TBCK: variants seen among roughly 807,000 people sequenced by gnomAD.
TBCK encodes TBC domain-containing protein kinase-like protein.
TBCK carries 99 observed loss-of-function variants against 113.4 expected under a neutral mutation model. The observed-to-expected ratio is 0.87, with a 90% CI of 0.74 to 1.03. TBCK has a LOEUF of 1.03. Ranked by LOEUF, TBCK falls within the 50% of genes least tolerant of loss-of-function variation. TBCK has a pLI of 0.00. For missense variants in TBCK, 1,045 were observed against 1,061.3 expected, an observed-to-expected ratio of 0.98 and a Z score of 0.21; for synonymous variants, 369 against 370.8, an observed-to-expected ratio of 1.00 and a Z score of 0.05.
Position 106,214,795 on chromosome 4 carries a change from G to A in TBCK, c.1775-1960C>T, listed in dbSNP as rs1405501430. Among the ~76,000 whole-genome samples, 8 of 151,784 alleles carry A rather than the reference G, an allele frequency of 5.3e-5. No homozygotes were observed. In the East Asian group the frequency reaches 1.2e-3, roughly 22 times the overall value. The stretch of plus-strand genomic sequence containing the variant: ...AACCAAGTTGGAAAACACTCTGCAG[G>A]ATATTATCCAGGAGAATTTCCCCAA... On this transcript the variant is annotated intron_variant, in intron 19 of 25. Transcript: ENST00000394708.
intron 3 of TBCK, among the ~76,000 whole-genome samples, chr4:106,285,474 T>C (rs1560967371): frequency 6.6e-6 from 1 of 152,152 alleles, no homozygotes; most frequent in Non-Finnish European, 1.5e-5. Flanking sequence ...AAATCGGTCA[T>C]GAAAAAAAGT....
At chr4:106,052,679 T>A (rs940625583) in intron 25 of TBCK, among the ~76,000 whole-genome samples, 24 of 151,766 alleles carry the variant, frequency 1.6e-4, no homozygotes, top group Admixed American at 1.5e-3. Flanking sequence ...TTTTCATGTT[T>A]TAATTTCCCA....
At position 106,251,995 on chromosome 4, in the gene TBCK, G is replaced by A. The variant is rs749416609; in HGVS notation, c.468C>T (p.Tyr156=). The change falls in exon 6 of 26, where the codon TAC becomes TAT. Residue 156 remains tyrosine, a synonymous_variant. Coordinates refer to ENST00000394708, the MANE Select transcript of TBCK (RefSeq NM_001163435.3). The part of the protein sequence containing the change: ...DVDFPIGYPS[Y]LAPEVIAQGI... Reference sequence around the variant, plus strand: ...CCTGTGCAATTACCTCAGGGGCCAAGTACGAGGGATACCTGTAATGATACA... The same window carrying A: ...CCTGTGCAATTACCTCAGGGGCCAAATACGAGGGATACCTGTAATGATACA... The A allele has an allele frequency of 1.9e-6, 3 of 1,606,666 alleles. No individual in the cohort carries two copies. In the African/African-American group the frequency reaches 4.0e-5, roughly 22 times the overall value.
chr4:106,256,220 G>A lies in TBCK; in HGVS notation c.456-4213C>T, dbSNP rs557346106. On this transcript the variant is annotated intron_variant, in intron 5 of 25. Coordinates refer to ENST00000394708, the MANE Select transcript of TBCK (RefSeq NM_001163435.3). ...ATCTCCCATGCTTCAGGCCCTCCTG[G>A]GCTTGAAGGCAGGGCTTCACCAGGG... Among the ~76,000 whole-genome samples, 36 of 152,242 alleles carry A rather than the reference G, an allele frequency of 2.4e-4. No homozygotes were observed. The South Asian group carries it at 7.3e-3, about 31-fold the overall frequency.
chr4:106,101,861 TAAAGA>T (rs1741595690), intron 24 of TBCK, among the ~76,000 whole-genome samples: 1 of 152,180 alleles, frequency 6.6e-6, no homozygotes, highest in Non-Finnish European at 1.5e-5. Flanking sequence ...TTACAACTAT[TAAAGA>T]AAACAAGAGT....
chr4:106,200,939 C>T (rs1754813050), intron 20 of TBCK, among the ~76,000 whole-genome samples: 1 of 151,846 alleles, frequency 6.6e-6, no homozygotes. Flanking sequence ...ATGAGTTAGT[C>T]CTTCCTTGCT....
At chr4:106,159,005 T>C (rs1275869492) in intron 23 of TBCK, among the ~76,000 whole-genome samples, 1 of 150,186 alleles carries the variant, frequency 6.7e-6, no homozygotes, top group African/African-American at 2.5e-5. Flanking sequence ...AATCAATCCA[T>C]ATGATACATT....
chr4:106,314,907 G>C (rs893798506), intron 1 of TBCK, among the ~76,000 whole-genome samples: 32 of 151,970 alleles, frequency 2.1e-4, no homozygotes, highest in African/African-American at 7.7e-4. Context: ...CTACAGGCGT[G>C]AGCCACCGCG....
rs1286731646 is a variant in TBCK, at chr4:106,051,628, C to A, written c.2572-4948G>T. Reference sequence around the variant, plus strand: ...TGGAATGCTTAATATGACACATATTCAATATTTCTGGCACTGTGTGACCAT... The same window carrying A: ...TGGAATGCTTAATATGACACATATTAAATATTTCTGGCACTGTGTGACCAT... On this transcript the variant is annotated intron_variant, in intron 25 of 25. Coordinates refer to ENST00000394708, the MANE Select transcript of TBCK (RefSeq NM_001163435.3). Among the ~76,000 whole-genome samples the A allele has an allele frequency of 2.6e-5, 4 of 151,696 alleles. No homozygotes were observed. The East Asian group carries it at 7.8e-4, about 29-fold the overall frequency.
At chr4:106,208,238 T>A (rs1220187548) in intron 20 of TBCK, among the ~76,000 whole-genome samples, 3 of 152,116 alleles carry the variant, frequency 2.0e-5, no homozygotes, top group Non-Finnish European at 4.4e-5. Flanking sequence ...AAAGACAGTT[T>A]AAGGTCTGAA....
At position 106,185,588 on chromosome 4, in the gene TBCK, T is replaced by C. The variant is rs537284683; in HGVS notation, c.2059+8021A>G. On this transcript the variant is annotated intron_variant, in intron 22 of 25. Transcript: ENST00000394708. ...TTTGTTCCTGTGACAAGAACTTACA[T>C]TTTTTAAAAGATTCCATGATGATTC... Among the ~76,000 whole-genome samples the C allele has an allele frequency of 5.3e-5, 8 of 152,236 alleles. No homozygotes were observed. In the East Asian group the frequency reaches 1.5e-3, roughly 29 times the overall value.
Position 106,212,755 on chromosome 4 carries a change from G to C in TBCK, c.1855C>G (p.Pro619Ala), listed in dbSNP as rs771127894. Residue 619 changes from proline (P) to alanine (A), a missense_variant, in exon 20 of 26, where the codon CCA (proline) becomes GCA (alanine). Transcript: ENST00000394708. ...TTAATGCACCAAGTACTTACATCTG[G>C]AATGAAACCAATCTCATTGAGATGA... ...SNHLNEIGFI[P>A]DLYAIPWFLT... 1.0e-4 allele frequency: 161 copies of C among 1,603,720 alleles called. No individual in the cohort carries two copies. The highest frequency in any genetic ancestry group is 1.3e-4 in the Non-Finnish European group (154 of 1,173,092).
At chr4:106,058,358 T>A (rs1385448775) in intron 25 of TBCK, among the ~76,000 whole-genome samples, 2 of 151,764 alleles carry the variant, frequency 1.3e-5, no homozygotes, top group East Asian at 3.9e-4. Context: ...CATGGTGCTG[T>A]ATTTCCCTGA....
chr4:106,171,378 A>G (rs1322748824), intron 22 of TBCK, 108 bp from the exon 23 acceptor site: 2 of 767,348 alleles, frequency 2.6e-6, no homozygotes, highest in South Asian at 2.1e-5. Context: ...GGCTAAGATG[A>G]TAAGTTATTA....
At chr4:106,073,038 C>T (rs897982292) in intron 25 of TBCK, among the ~76,000 whole-genome samples, 4 of 152,108 alleles carry the variant, frequency 2.6e-5, no homozygotes, top group Admixed American at 6.5e-5. Flanking sequence ...GCGATGGGTT[C>T]GAACATCCTC....
At chr4:106,243,225 CAA>C (rs905180379) in intron 11 of TBCK, among the ~76,000 whole-genome samples, 7 of 152,112 alleles carry the variant, frequency 4.6e-5, no homozygotes, top group East Asian at 3.9e-4. Flanking sequence ...TTCAGAAAAA[CAA>C]AAGTGTCATT....
At chr4:106,185,437 A>G (rs1440002113) in intron 22 of TBCK, among the ~76,000 whole-genome samples, 1 of 151,906 alleles carries the variant, frequency 6.6e-6, no homozygotes, top group Non-Finnish European at 1.5e-5. Flanking sequence ...CCTAGAAATT[A>G]TATCTTGTAT....
chr4:106,171,192 T>A lies in TBCK; in HGVS notation c.2138A>T (p.His713Leu), dbSNP rs749859244. 6.2e-7 allele frequency: 1 copy of A among 1,612,938 alleles called. No homozygotes were observed. The highest frequency in any genetic ancestry group is 1.7e-5 in the Admixed American group (1 of 59,834). The change falls in exon 23 of 26, where the codon CAT (histidine) becomes CTT (leucine). Residue 713 changes from histidine to leucine, a missense_variant. Physicochemically the swap from His to Leu is moderately conservative, Grantham distance 99. Transcript: ENST00000394708. ...WTPKSATYRQ[H>L]AQPPKPSSDS... ...AGAAGATGGCTTTGGAGGTTGAGCA[T>A]GCTGTCTGTAAGTAGCACTTTTAGG...
chr4:106,251,073 T>C (rs1235935153), intron 6 of TBCK: 1 of 310,846 alleles, frequency 3.2e-6, no homozygotes, highest in Non-Finnish European at 6.5e-6. Context: ...AGTCAAACAC[T>C]TATACCTTCA....
Sources: gnomAD v4.1 joint callset for allele counts (sites outside exome capture counted in the v4.1 genomes callset) on GRCh38, gnomAD v4.1.1 for gene constraint, MANE v1.5 for transcripts, NCBI Gene and HGNC (gene_info 2026-07-23, HGNC 2026-07-21) for gene names.